Variants in COL13A1 observed in about 807,000 individuals in gnomAD.
COL13A1 encodes collagen alpha-1(XIII) chain.
A neutral mutation model predicts 130.9 loss-of-function variants in COL13A1; 89 were observed. The observed-to-expected ratio is 0.68, with a 90% CI of 0.57 to 0.81. The LOEUF (loss-of-function observed/expected upper bound fraction) is 0.81, where lower values mean the gene tolerates loss of function less well. COL13A1 is among the 30% of genes least tolerant of loss of function. The probability of loss-of-function intolerance (pLI) is 0.00; values close to 1 mark genes in which losing one functional copy is unlikely to be tolerated. For synonymous variants in COL13A1, 402 were observed against 341.6 expected (o/e 1.18, Z -1.95); for missense variants, 879 against 934.6 (o/e 0.94, Z 0.78).
At chr10:69,888,258 G>C in intron 8 of COL13A1, 46 bp from the exon 9 acceptor site, 1 of 1,608,766 alleles carries the variant, frequency 6.2e-7, no homozygotes, top group Non-Finnish European at 8.5e-7. Context: ...TCTTTGGCAG[G>C]AGTCCTGTGA....
intron 2 of COL13A1, among the ~76,000 whole-genome samples, chr10:69,863,236 G>T (rs561862508): frequency 6.6e-6 from 1 of 152,302 alleles, no homozygotes; most frequent in East Asian, 1.9e-4. Flanking sequence ...AAACTTCCCA[G>T]TCGTGAAATC....
At chr10:69,831,108 A>G (rs1466047802) in intron 2 of COL13A1, among the ~76,000 whole-genome samples, 1 of 152,248 alleles carries the variant, frequency 6.6e-6, no homozygotes, top group Non-Finnish European at 1.5e-5. Context: ...CATAAAGTTA[A>G]TGAACGGATG....
chr10:69,804,587 C>G (rs1840940736), intron 1 of COL13A1, among the ~76,000 whole-genome samples: 1 of 151,364 alleles, frequency 6.6e-6, no homozygotes, highest in African/African-American at 2.4e-5. Context: ...ATGGCGAGGC[C>G]CAGGACTAGA....
chr10:69,930,826 A>C (rs2066017017), intron 30 of COL13A1, among the ~76,000 whole-genome samples: 1 of 152,294 alleles, frequency 6.6e-6, no homozygotes, highest in Non-Finnish European at 1.5e-5. Flanking sequence ...CTCATCTCTA[A>C]ACTGGCGATA....
chr10:69,902,832 C>G lies in COL13A1; in HGVS notation c.835C>G (p.Leu279Val). The G allele has an allele frequency of 1.9e-6, 3 of 1,542,768 alleles. No individual in the cohort carries two copies. The highest frequency in any genetic ancestry group is 2.6e-6 in the Non-Finnish European group (3 of 1,142,128). Residue 279 changes from leucine to valine, a missense_variant, in exon 15 of 41, where the codon CTG becomes GTG. Physicochemically the swap from Leu to Val is conservative, Grantham distance 32 (BLOSUM62 1). Transcript: ENST00000645393. Reference sequence around the variant, plus strand: ...AAGTGGACCTCTGGGGCACCCAGGACTGCCAGGGCCTATGGGGCCACCTGT... The same window carrying G: ...AAGTGGACCTCTGGGGCACCCAGGAGTGCCAGGGCCTATGGGGCCACCTGT... Reference protein sequence around the residue: ...GPSGPLGHPGLPGPMGPPGLP... With the variant: ...GPSGPLGHPGVPGPMGPPGLP...
chr10:69,838,872 G>A (rs1399564648), intron 2 of COL13A1, among the ~76,000 whole-genome samples: 2 of 152,252 alleles, frequency 1.3e-5, no homozygotes, highest in African/African-American at 2.4e-5. Context: ...TGTAAAATGA[G>A]CCTGAGACAG....
chr10:69,895,499 G>T, intron 12 of COL13A1, 51 bp from the exon 13 acceptor site: 25 of 1,604,896 alleles, frequency 1.6e-5, no homozygotes, highest in Non-Finnish European at 2.1e-5. Context: ...TGAGAAACAG[G>T]TACCCCCAAC....
intron 24 of COL13A1, 98 bp downstream of exon 24, chr10:69,923,953 A>G: frequency 6.7e-7 from 1 of 1,486,070 alleles, no homozygotes. Context: ...TCAGGGCACA[A>G]GGCTGACCGG....
intron 26 of COL13A1, chr10:69,926,091 GCT>G: frequency 1.8e-6 from 1 of 549,404 alleles, no homozygotes; most frequent in East Asian, 3.0e-5. Flanking sequence ...GGTGGCCGGG[GCT>G]CTCTGTCTGG....
At chr10:69,804,254 G>A (rs1370422224) in intron 1 of COL13A1, among the ~76,000 whole-genome samples, 2 of 150,838 alleles carry the variant, frequency 1.3e-5, no homozygotes, top group Non-Finnish European at 3.0e-5. Flanking sequence ...GCTGCTGAGG[G>A]ATAAGCATCT....
chr10:69,882,399 A>G (rs1414647849), intron 7 of COL13A1, among the ~76,000 whole-genome samples: 3 of 152,258 alleles, frequency 2.0e-5, no homozygotes, highest in African/African-American at 7.2e-5. Flanking sequence ...GCCTCTGCCC[A>G]GCATGGATAA....
chr10:69,858,936 C>T (rs932047476), intron 2 of COL13A1, among the ~76,000 whole-genome samples: 3 of 152,184 alleles, frequency 2.0e-5, no homozygotes, highest in Non-Finnish European at 4.4e-5. Flanking sequence ...GCCACAAGAG[C>T]CCCACCTGCA....
chr10:69,860,678 G>GA (rs1157789597), intron 2 of COL13A1: 2 of 185,476 alleles, frequency 1.1e-5, no homozygotes, highest in Non-Finnish European at 1.1e-5. Flanking sequence ...CCCCTGGGCA[G>GA]AACCTGCAGC....
chr10:69,863,672 C>T (rs556190510), intron 2 of COL13A1, among the ~76,000 whole-genome samples: 6 of 152,072 alleles, frequency 3.9e-5, no homozygotes, highest in Non-Finnish European at 5.9e-5. Context: ...AGGGCCCAGC[C>T]GCCCCTTCCA....
intron 2 of COL13A1, among the ~76,000 whole-genome samples, chr10:69,843,392 C>A (rs979624345): frequency 1.3e-5 from 2 of 152,078 alleles, no homozygotes; most frequent in East Asian, 3.9e-4. Context: ...AATTTTTCAA[C>A]CTCTAGGGTC....
chr10:69,869,082 A>T (rs573684001), intron 3 of COL13A1, among the ~76,000 whole-genome samples: 8 of 152,284 alleles, frequency 5.3e-5, no homozygotes, highest in African/African-American at 1.9e-4. Context: ...CAGGGCCAGG[A>T]TGCCAGGACA....
chr10:69,898,929 C>G lies in COL13A1; in HGVS notation c.750+167C>G, dbSNP rs565477505. Among the ~76,000 whole-genome samples the G allele has an allele frequency of 1.9e-4, 29 of 152,318 alleles. 2 individuals carry two copies. The South Asian group carries it at 3.5e-3, about 19-fold the overall frequency. ...CATGGAAATACACAACACACAGGCC[C>G]CAGAAGACCCACAACTACCACCACA... On this transcript the variant is annotated intron_variant, in intron 14 of 40. Transcript: ENST00000645393.
intron 2 of COL13A1, among the ~76,000 whole-genome samples, chr10:69,847,619 C>T (rs1853517158): frequency 6.6e-6 from 1 of 152,206 alleles, no homozygotes; most frequent in Non-Finnish European, 1.5e-5. Context: ...CTTGTCCTGG[C>T]CCTAAGCCTC....
At chr10:69,903,265 T>C (rs2062386298) in intron 15 of COL13A1, among the ~76,000 whole-genome samples, 1 of 152,234 alleles carries the variant, frequency 6.6e-6, no homozygotes. Context: ...TGAACATGCC[T>C]TCCAGGGGCG....
Sources: gnomAD v4.1 joint callset for allele counts (sites outside exome capture counted in the v4.1 genomes callset) on GRCh38, gnomAD v4.1.1 for gene constraint, MANE v1.5 for transcripts, NCBI Gene and HGNC (gene_info 2026-07-23, HGNC 2026-07-21) for gene names.